Variants in SNTG1 observed in about 807,000 individuals in gnomAD.
SNTG1 encodes syntrophin gamma 1.
In SNTG1, 39 loss-of-function variants were observed where a neutral mutation model predicts 74.7. That is an observed-to-expected ratio of 0.52 (90% CI 0.40 to 0.68). SNTG1 has a LOEUF of 0.68. Among genes scored for constraint, SNTG1 ranks in the 30% least tolerant of loss-of-function variants. The pLI is 0.00. For synonymous variants in SNTG1, 254 were observed against 217.1 expected (o/e 1.17, Z -1.49); for missense variants, 685 against 609.5 (o/e 1.12, Z -1.30).
chr8:50,502,929 C>T (rs1563486722), intron 9 of SNTG1, 49 bp downstream of exon 9: 1 of 1,391,642 alleles, frequency 7.2e-7, no homozygotes, highest in Non-Finnish European at 1.0e-6. Context: ...ATTATAGTTA[C>T]ATAATTATTA....
intron 14 of SNTG1, among the ~76,000 whole-genome samples, chr8:50,657,674 C>T (rs1480619556): frequency 1.3e-5 from 2 of 152,118 alleles, no homozygotes; most frequent in Non-Finnish European, 2.9e-5. Context: ...TGGCAAACAA[C>T]ACAAATACAT....
At chr8:49,961,661 A>G (rs1810693791) in intron 1 of SNTG1, among the ~76,000 whole-genome samples, 1 of 152,226 alleles carries the variant, frequency 6.6e-6, no homozygotes, top group African/African-American at 2.4e-5. Context: ...TTGCACGAGA[A>G]TATGCCTGAT....
intron 1 of SNTG1, among the ~76,000 whole-genome samples, chr8:49,941,188 C>T (rs573595672): frequency 7.0e-4 from 106 of 152,138 alleles, no homozygotes; most frequent in African/African-American, 2.3e-3. Flanking sequence ...TGACCCTTTC[C>T]CTGCTTTCTG....
chr8:50,496,941 A>G (rs960570518), intron 8 of SNTG1, among the ~76,000 whole-genome samples: 1 of 151,260 alleles, frequency 6.6e-6, no homozygotes, highest in African/African-American at 2.4e-5. Flanking sequence ...TGACAGTATC[A>G]GTCTGATATA....
chr8:50,730,524 T>G (rs1057256558), intron 17 of SNTG1, among the ~76,000 whole-genome samples: 2 of 152,076 alleles, frequency 1.3e-5, no homozygotes, highest in Non-Finnish European at 2.9e-5. Flanking sequence ...ACAAAAAGAT[T>G]ATAGGAGCAA....
At chr8:50,253,639 ATATACACACATATATATG>A (rs1331155223) in intron 2 of SNTG1, among the ~76,000 whole-genome samples, 1 of 149,566 alleles carries the variant, frequency 6.7e-6, no homozygotes, top group Admixed American at 6.8e-5. Context: ...TGTGTTCCAT[ATATACACACATATATATG>A]TATACACACA....
intron 11 of SNTG1, among the ~76,000 whole-genome samples, chr8:50,537,985 T>C (rs1157591071): frequency 6.6e-6 from 1 of 152,210 alleles, no homozygotes; most frequent in African/African-American, 2.4e-5. Flanking sequence ...GATCTTCACA[T>C]TTCCAGCAAA....
At chr8:50,528,070 G>A (rs1469488993) in intron 9 of SNTG1, among the ~76,000 whole-genome samples, 1 of 151,746 alleles carries the variant, frequency 6.6e-6, no homozygotes, top group Non-Finnish European at 1.5e-5. Context: ...CTATATACAC[G>A]ATTGTGTTAT....
intron 9 of SNTG1, among the ~76,000 whole-genome samples, chr8:50,514,047 A>T (rs992437442): frequency 6.6e-6 from 1 of 152,110 alleles, no homozygotes; most frequent in Non-Finnish European, 1.5e-5. Context: ...CTATTTGGCC[A>T]TCTTGGCTCC....
At chr8:50,100,843 A>T (rs2080095365) in intron 1 of SNTG1, among the ~76,000 whole-genome samples, 1 of 152,050 alleles carries the variant, frequency 6.6e-6, no homozygotes, top group Admixed American at 6.6e-5. Flanking sequence ...GGTAAATTGT[A>T]TGTCATTGGG....
At chr8:50,236,450 ATT>A (rs56003219) in intron 2 of SNTG1, among the ~76,000 whole-genome samples, 2 of 138,656 alleles carry the variant, frequency 1.4e-5, no homozygotes, top group African/African-American at 5.3e-5. Flanking sequence ...TTAATTGTAA[ATT>A]TTTTTTTTTT....
intron 17 of SNTG1, among the ~76,000 whole-genome samples, chr8:50,747,157 T>C (rs1390660560): frequency 6.6e-6 from 1 of 151,880 alleles, no homozygotes; most frequent in Non-Finnish European, 1.5e-5. Flanking sequence ...CCCTCAGGTA[T>C]TCTTGGAGCT....
chr8:49,930,293 C>A (rs1807448997), intron 1 of SNTG1, among the ~76,000 whole-genome samples: 1 of 151,766 alleles, frequency 6.6e-6, no homozygotes, highest in Admixed American at 6.6e-5. Flanking sequence ...GCCTTTTTTA[C>A]ATTTATATCA....
intron 1 of SNTG1, among the ~76,000 whole-genome samples, chr8:50,086,004 T>C (rs982277348): frequency 1.2e-4 from 18 of 151,770 alleles, no homozygotes; most frequent in African/African-American, 4.1e-4. Context: ...GATGAGTTCA[T>C]ACCCAGATTA....
intron 17 of SNTG1, among the ~76,000 whole-genome samples, chr8:50,724,808 T>C (rs926195849): frequency 6.6e-5 from 10 of 152,156 alleles, no homozygotes; most frequent in African/African-American, 2.2e-4. Flanking sequence ...GTAAATAACA[T>C]AACCAATGTT....
chr8:50,744,871 C>T (rs1232362613), intron 17 of SNTG1, among the ~76,000 whole-genome samples: 1 of 151,948 alleles, frequency 6.6e-6, no homozygotes, highest in African/African-American at 2.4e-5. Context: ...AAGTTAGACC[C>T]TGGCCTTATA....
At chr8:50,327,579 A>G (rs972694730) in intron 2 of SNTG1, among the ~76,000 whole-genome samples, 1 of 152,118 alleles carries the variant, frequency 6.6e-6, no homozygotes, top group African/African-American at 2.4e-5. Context: ...TATAAAAAAC[A>G]TATAGTTGAT....
chr8:49,985,338 C>CTA (rs1232423779), intron 1 of SNTG1, among the ~76,000 whole-genome samples: 2 of 152,090 alleles, frequency 1.3e-5, no homozygotes, highest in Non-Finnish European at 2.9e-5. Flanking sequence ...ACCGTGTTGG[C>CTA]TAGGCTGGTC....
chr8:50,498,751 G>A (rs1383942580), intron 8 of SNTG1, among the ~76,000 whole-genome samples: 1 of 151,846 alleles, frequency 6.6e-6, no homozygotes, highest in Non-Finnish European at 1.5e-5. Context: ...GATTCACTCT[G>A]AGTTAGTATT....
Sources: gnomAD v4.1 joint callset for allele counts (sites outside exome capture counted in the v4.1 genomes callset) on GRCh38, gnomAD v4.1.1 for gene constraint, MANE v1.5 for transcripts, NCBI Gene and HGNC (gene_info 2026-07-23, HGNC 2026-07-21) for gene names.